KLHL29: variants seen among roughly 807,000 people sequenced by gnomAD.
KLHL29 encodes the protein kelch-like protein 29.
Under a neutral mutation model 80.4 loss-of-function variants are expected in KLHL29, and 21 were observed. That is an observed-to-expected ratio of 0.26 (90% CI 0.19 to 0.38). The LOEUF (loss-of-function observed/expected upper bound fraction) is 0.38. Ranked by LOEUF, KLHL29 falls within the 10% of genes least tolerant of loss-of-function variation. The probability of loss-of-function intolerance (pLI) is 1.00; values close to 1 mark genes in which losing one functional copy is unlikely to be tolerated. For missense variants in KLHL29, 867 were observed against 1,223.9 expected (o/e 0.71, Z 4.35); for synonymous variants, 511 against 526.8 (o/e 0.97, Z 0.41).
In KLHL29 at chr2:23,478,197, TA is replaced by T. The variant is rs1367676113; in HGVS notation, c.-46+2531del. The stretch of plus-strand genomic sequence containing the variant: ...TGTGTTCCGCTCCCTCTGCCACTCA[TA>T]CCAGTACCTGATGAGCTCTCAGTAA... On this transcript the variant is annotated intron_variant, in intron 2 of 13. Coordinates refer to ENST00000486442, the MANE Select transcript of KLHL29 (RefSeq NM_052920.2). Among the ~76,000 whole-genome samples the T allele has an allele frequency of 1.4e-4, 22 of 152,326 alleles. 1 individual carries two copies. The South Asian group carries it at 1.9e-3, about 13-fold the overall frequency.
At chr2:23,598,534 T>C (rs1314414240) in intron 3 of KLHL29, among the ~76,000 whole-genome samples, 2 of 152,200 alleles carry the variant, frequency 1.3e-5, no homozygotes, top group Non-Finnish European at 2.9e-5. Flanking sequence ...GCTACAGCCA[T>C]GGACAGCTGT....
chr2:23,634,939 C>T (rs1274997925), intron 3 of KLHL29, among the ~76,000 whole-genome samples: 1 of 120,482 alleles, frequency 8.3e-6, no homozygotes. Flanking sequence ...GAGACCCTGC[C>T]CTCATGGAGT....
At chr2:23,698,604 A>AGAT (rs932262692) in intron 11 of KLHL29, among the ~76,000 whole-genome samples, 2 of 152,194 alleles carry the variant, frequency 1.3e-5, no homozygotes, top group Non-Finnish European at 2.9e-5. Flanking sequence ...GAATAGAGCA[A>AGAT]GATTATATAA....
At chr2:23,678,873 C>G (rs530874729) in intron 5 of KLHL29, among the ~76,000 whole-genome samples, 6 of 152,006 alleles carry the variant, frequency 3.9e-5, no homozygotes, top group Non-Finnish European at 8.8e-5. Flanking sequence ...CTCATAGAGA[C>G]AGAAAGTAGA....
intron 12 of KLHL29, 81 bp downstream of exon 12, chr2:23,703,460 A>C: frequency 7.9e-7 from 1 of 1,269,626 alleles, no homozygotes; most frequent in Non-Finnish European, 1.1e-6. Flanking sequence ...CATGCCCAGA[A>C]GTCAGGCTAA....
chr2:23,406,343 A>G (rs1666729200), intron 1 of KLHL29, among the ~76,000 whole-genome samples: 1 of 122,486 alleles, frequency 8.2e-6, no homozygotes, highest in Non-Finnish European at 1.7e-5. Flanking sequence ...AAAAAAAAAA[A>G]GAAAAGAAAA....
At chr2:23,553,441 C>G (rs1291877657) in intron 2 of KLHL29, among the ~76,000 whole-genome samples, 3 of 152,226 alleles carry the variant, frequency 2.0e-5, no homozygotes, top group African/African-American at 7.2e-5. Context: ...CCAGAGTTTC[C>G]TGGGTTTCTG....
At chr2:23,677,253 T>C (rs1368201268) in intron 5 of KLHL29, among the ~76,000 whole-genome samples, 1 of 152,196 alleles carries the variant, frequency 6.6e-6, no homozygotes, top group African/African-American at 2.4e-5. Flanking sequence ...AGGCCAGATA[T>C]CACTGCTCAG....
Position 23,536,918 on chromosome 2 carries a change from A to ACACTCTCT in KLHL29, c.-45-25233_-45-25232insACTCTCTC, listed in dbSNP as rs143009876. On this transcript the variant is annotated intron_variant, in intron 2 of 13. Coordinates refer to ENST00000486442, the MANE Select transcript of KLHL29 (RefSeq NM_052920.2). ...CACACACACACACACACACACACACACTCTCTCTCTCCCTCTCTCGCTCTC... is the reference window on the plus strand; with the variant it reads ...CACACACACACACACACACACACACACACTCTCTCTCTCTCTCTCCCTCTCTCGCTCTC... Among the ~76,000 whole-genome samples, 222 of 140,708 alleles carry ACACTCTCT rather than the reference A, an allele frequency of 1.6e-3. 2 individuals are homozygous for ACACTCTCT. In the East Asian group the frequency reaches 0.018, roughly 11 times the overall value. The allele number at this position is 140,708 out of a possible 152,430, so 92.3% of individuals were successfully genotyped here.
At chr2:23,628,643 C>A (rs1362710812) in intron 3 of KLHL29, among the ~76,000 whole-genome samples, 1 of 152,162 alleles carries the variant, frequency 6.6e-6, no homozygotes, top group Admixed American at 6.5e-5. Flanking sequence ...CAGATCGACA[C>A]CCTGTATCAA....
chr2:23,680,300 C>T lies in KLHL29; in HGVS notation c.941-4099C>T, dbSNP rs1022720643. ...GGCCTGCGGATTGCGGGCAGTGGAC[C>T]GTCTTCCACGGGAAGAGGAGCTCCA... On this transcript the variant is annotated intron_variant, in intron 5 of 13. Coordinates refer to ENST00000486442, the MANE Select transcript of KLHL29 (RefSeq NM_052920.2). The surrounding 1 kb of genome is among the most constrained non-coding windows in gnomAD (Gnocchi z 4.1). Among the ~76,000 whole-genome samples, 2 of 152,016 alleles carry T rather than the reference C, an allele frequency of 1.3e-5. No individual in the cohort carries two copies. Among genetic ancestry groups the T allele is most frequent in the African/African-American group, 2.4e-5 (1 of 41,354 alleles).
At chr2:23,663,846 T>A (rs1213968343) in intron 5 of KLHL29, among the ~76,000 whole-genome samples, 1 of 152,214 alleles carries the variant, frequency 6.6e-6, no homozygotes, top group Non-Finnish European at 1.5e-5. Context: ...GGCTGCTGAT[T>A]CAGGTGGAAA....
At chr2:23,404,601 A>G (rs919807128) in intron 1 of KLHL29, among the ~76,000 whole-genome samples, 4 of 152,158 alleles carry the variant, frequency 2.6e-5, no homozygotes, top group Non-Finnish European at 5.9e-5. Flanking sequence ...TGTAAAAACG[A>G]TTTGTTTTCT....
At chr2:23,552,308 A>ATGATGGTT (rs1408654986) in intron 2 of KLHL29, among the ~76,000 whole-genome samples, 1 of 152,222 alleles carries the variant, frequency 6.6e-6, no homozygotes, top group Non-Finnish European at 1.5e-5. Flanking sequence ...ATTGATAGTG[A>ATGATGGTT]TGATGGTTTG....
chr2:23,474,608 A>G (rs1257874538), intron 1 of KLHL29, among the ~76,000 whole-genome samples: 6 of 152,216 alleles, frequency 3.9e-5, no homozygotes, highest in African/African-American at 1.4e-4. Context: ...TTTGATATGG[A>G]TCACGTGCAT....
At chr2:23,432,557 T>A (rs1040100720) in intron 1 of KLHL29, among the ~76,000 whole-genome samples, 1 of 152,366 alleles carries the variant, frequency 6.6e-6, no homozygotes, top group African/African-American at 2.4e-5. Context: ...GTAATACACA[T>A]GTAGATTTAA....
At chr2:23,453,746 A>G (rs1483487061) in intron 1 of KLHL29, among the ~76,000 whole-genome samples, 2 of 152,212 alleles carry the variant, frequency 1.3e-5, no homozygotes, top group South Asian at 2.1e-4. Flanking sequence ...GTCACCTTAT[A>G]TGAATATTTA....
rs150632951 is a variant in KLHL29, at chr2:23,524,163, C to G, written c.-45-37989C>G. The G allele has an allele frequency of 3.9e-5, 16 of 407,896 alleles. 1 individual carries two copies. Among genetic ancestry groups the G allele is most frequent in the South Asian group, 2.7e-4 (15 of 54,990 alleles). The allele number at this position is 407,896 out of a possible 1,614,324, so 25.3% of individuals were successfully genotyped here. A position where few individuals can be genotyped will look rare whatever the true frequency, so the allele number is the denominator to read the frequency against. On this transcript the variant is annotated intron_variant, in intron 2 of 13. Transcript: ENST00000486442. ...TCGGAAAAGGAAGCCGATGCTGGAG[C>G]GGGGGATGACTTGCTCAGTGCTGTG... is the stretch of plus-strand genomic sequence containing the variant.
chr2:23,483,965 G>A (rs770440064), intron 2 of KLHL29, among the ~76,000 whole-genome samples: 2 of 152,152 alleles, frequency 1.3e-5, no homozygotes, highest in African/African-American at 2.4e-5. Context: ...CACATACGAC[G>A]TGTCAAGCCA....
Sources: gnomAD v4.1 joint callset for allele counts (sites outside exome capture counted in the v4.1 genomes callset) on GRCh38, gnomAD v4.1.1 for gene constraint, Gnocchi (gnomAD v3.1) non-coding constraint, MANE v1.5 for transcripts, NCBI Gene and HGNC (gene_info 2026-07-23, HGNC 2026-07-21) for gene names.